The following RBFOX3 variants were observed in gnomAD, a reference collection of about 807,000 sequenced individuals.
The protein encoded by RBFOX3 is RNA binding fox-1 homolog 3, also known as RNA binding protein fox-1 homolog 3.
RBFOX3 carries 17 observed loss-of-function variants against 48.7 expected under a neutral mutation model. The ratio of observed to expected loss-of-function variants is 0.35; its 90% CI spans 0.24 to 0.52. RBFOX3 has a LOEUF of 0.52. Among genes scored for constraint, RBFOX3 ranks in the 20% least tolerant of loss-of-function variants. The pLI, the probability that RBFOX3 is intolerant of heterozygous loss-of-function variation, is 0.94. For missense variants in RBFOX3, 382 were observed against 497.5 expected (o/e 0.77, Z 2.21); for synonymous variants, 212 against 209.5 (o/e 1.01, Z -0.10).
intron 4 of RBFOX3, among the ~76,000 whole-genome samples, chr17:79,118,524 A>G (rs987926583): frequency 1.3e-5 from 2 of 152,134 alleles, no homozygotes; most frequent in East Asian, 3.9e-4. Flanking sequence ...CAAAATCAGG[A>G]AAACAGGAGC....
intron 1 of RBFOX3, among the ~76,000 whole-genome samples, chr17:79,536,039 G>A (rs544735815): frequency 6.6e-6 from 1 of 152,298 alleles, no homozygotes; most frequent in East Asian, 1.9e-4. Context: ...ATTTAAGCTG[G>A]TCTCACAGGG....
intron 2 of RBFOX3, among the ~76,000 whole-genome samples, chr17:79,459,623 C>A (rs906608573): frequency 1.3e-5 from 2 of 152,142 alleles, no homozygotes; most frequent in Non-Finnish European, 2.9e-5. Flanking sequence ...CCCACCAATC[C>A]TAGAGACTTC....
At chr17:79,101,444 C>A (rs184380371) in intron 9 of RBFOX3, 140 bp downstream of exon 9, 11 of 748,344 alleles carry the variant, frequency 1.5e-5, no homozygotes, top group Non-Finnish European at 2.5e-5. Flanking sequence ...GGGAGCAGAG[C>A]GGCAGCCCCA....
intron 3 of RBFOX3, among the ~76,000 whole-genome samples, chr17:79,300,788 A>G (rs192037086): frequency 1.2e-4 from 18 of 152,360 alleles, no homozygotes; most frequent in African/African-American, 4.1e-4. Context: ...CCTCTGCACC[A>G]GAGACCTTGG....
intron 2 of RBFOX3, among the ~76,000 whole-genome samples, chr17:79,400,536 C>A (rs1446639444): frequency 6.6e-6 from 1 of 150,984 alleles, no homozygotes; most frequent in Non-Finnish European, 1.5e-5. Flanking sequence ...CAGAGGTTGG[C>A]GCTTCAACTT....
chr17:79,167,321 C>A (rs1388345367), intron 4 of RBFOX3, among the ~76,000 whole-genome samples: 1 of 152,088 alleles, frequency 6.6e-6, no homozygotes, highest in South Asian at 2.1e-4. Flanking sequence ...TGGGGGGCCC[C>A]TTCTTCCCCT....
intron 2 of RBFOX3, among the ~76,000 whole-genome samples, chr17:79,309,584 C>A (rs975506020): frequency 6.6e-6 from 1 of 152,208 alleles, no homozygotes; most frequent in African/African-American, 2.4e-5. Context: ...AGCCCCCTCC[C>A]CATCACCTGC....
In RBFOX3 at chr17:79,106,744, G is replaced by A. The variant is rs1208519271; in HGVS notation, c.267C>T (p.Pro89=). Residue 89 remains proline, a synonymous_variant, in exon 6 of 15, where the codon CCC becomes CCT. Coordinates refer to ENST00000693108, the MANE Select transcript of RBFOX3 (RefSeq NM_001350451.2). ...GCTGCTGCTTCTCTGTAGGGTCGGAGGGGTGGAGCGGCTGGCTGTCCGTCT... is the reference window on the plus strand; with the variant it reads ...GCTGCTGCTTCTCTGTAGGGTCGGAAGGGTGGAGCGGCTGGCTGTCCGTCT... ...AAQTDSQPLH[P]SDPTEKQQPK... is the part of the protein sequence containing the mutation. 3.3e-6 allele frequency: 5 copies of A among 1,523,826 alleles called. No homozygotes were observed. The highest frequency in any genetic ancestry group is 1.7e-4 in the Middle Eastern group (1 of 5,858). The allele number at this position is 1,523,826 out of a possible 1,614,324, so 94.4% of individuals were successfully genotyped here.
chr17:79,515,020 C>T (rs1337086505), intron 1 of RBFOX3, among the ~76,000 whole-genome samples: 4 of 152,152 alleles, frequency 2.6e-5, no homozygotes, highest in Admixed American at 6.5e-5. Flanking sequence ...GGAATTCTCC[C>T]GACTCTCCAA....
chr17:79,395,110 C>G (rs1568174187), intron 2 of RBFOX3, among the ~76,000 whole-genome samples: 2 of 152,338 alleles, frequency 1.3e-5, no homozygotes, highest in Non-Finnish European at 1.5e-5. Context: ...ATCTGGGCCT[C>G]CCGTCAACCT....
intron 1 of RBFOX3, among the ~76,000 whole-genome samples, chr17:79,558,215 C>T (rs1258897327): frequency 2.6e-5 from 4 of 151,368 alleles, no homozygotes; most frequent in African/African-American, 9.8e-5. Context: ...GCCACGTGGC[C>T]CAGGCCCAGG....
intron 2 of RBFOX3, among the ~76,000 whole-genome samples, chr17:79,338,800 C>T (rs2146582119): frequency 6.6e-6 from 1 of 152,286 alleles, no homozygotes; most frequent in South Asian, 2.1e-4. Context: ...ATGACTGTTG[C>T]TTTTCCTTGT....
chr17:79,375,921 G>C (rs1290442644), intron 2 of RBFOX3, among the ~76,000 whole-genome samples: 1 of 152,220 alleles, frequency 6.6e-6, no homozygotes, highest in East Asian at 1.9e-4. Flanking sequence ...AGTTTCCTTG[G>C]CTGTAAAACG....
chr17:79,616,916 C>G, the RBFOX3 span, among the ~76,000 whole-genome samples: 3 of 152,196 alleles, frequency 2.0e-5, no homozygotes, highest in Non-Finnish European at 4.4e-5. Context: ...CGCCAACCAG[C>G]TAACTTAAAT....
At chr17:79,568,717 G>A (rs972303141) in intron 1 of RBFOX3, among the ~76,000 whole-genome samples, 3 of 152,080 alleles carry the variant, frequency 2.0e-5, no homozygotes, top group Admixed American at 2.0e-4. Flanking sequence ...CCTGTATGGT[G>A]AAAAAAGGCT....
chr17:79,493,349 G>A (rs774884888), intron 1 of RBFOX3, among the ~76,000 whole-genome samples: 1 of 152,136 alleles, frequency 6.6e-6, no homozygotes, highest in African/African-American at 2.4e-5. Flanking sequence ...GTTGGAGGGG[G>A]ACACACATCC....
intron 2 of RBFOX3, among the ~76,000 whole-genome samples, chr17:79,457,763 C>A (rs1362575884): frequency 6.6e-6 from 1 of 152,240 alleles, no homozygotes; most frequent in African/African-American, 2.4e-5. Context: ...GGCAGCGAGT[C>A]CAGTGTGGGG....
intron 1 of RBFOX3, among the ~76,000 whole-genome samples, chr17:79,534,674 C>T (rs928939013): frequency 8.5e-5 from 13 of 152,164 alleles, no homozygotes; most frequent in Admixed American, 6.5e-4. Flanking sequence ...TGGCCATTGC[C>T]GTGCCAGCCC....
At chr17:79,401,000 A>T (rs1568184321) in intron 2 of RBFOX3, among the ~76,000 whole-genome samples, 1 of 152,196 alleles carries the variant, frequency 6.6e-6, no homozygotes, top group South Asian at 2.1e-4. Context: ...CAAAACAGAA[A>T]AACACGTCGT....
Sources: gnomAD v4.1 joint callset for allele counts (sites outside exome capture counted in the v4.1 genomes callset) on GRCh38, gnomAD v4.1.1 for gene constraint, MANE v1.5 for transcripts, NCBI Gene and HGNC (gene_info 2026-07-23, HGNC 2026-07-21) for gene names.